The following ANKRD33B variants were observed in gnomAD, a reference collection of about 807,000 sequenced individuals.
The protein encoded by ANKRD33B is ankyrin repeat domain 33B.
In ANKRD33B, 6 loss-of-function variants were observed where a neutral mutation model predicts 21.5. The ratio of observed to expected loss-of-function variants is 0.28; its 90% confidence interval spans 0.15 to 0.55. The LOEUF (loss-of-function observed/expected upper bound fraction) is 0.55, where lower values mean the gene tolerates loss of function less well. Among genes scored for constraint, ANKRD33B ranks in the 20% least tolerant of loss-of-function variants. The pLI is 0.94. For missense variants in ANKRD33B, 698 were observed against 747.2 expected, an observed-to-expected ratio of 0.93 and a Z score of 0.77; for synonymous variants, 347 against 342.4, an observed-to-expected ratio of 1.01 and a Z score of -0.15.
chr5:10,599,192 A>T (rs990175429), intron 1 of ANKRD33B, among the ~76,000 whole-genome samples: 1 of 151,764 alleles, frequency 6.6e-6, no homozygotes, highest in African/African-American at 2.4e-5. Context: ...CTTTCACTCA[A>T]CATAATGGTT....
chr5:10,637,799 C>T (rs917354405), intron 2 of ANKRD33B, among the ~76,000 whole-genome samples: 3 of 152,104 alleles, frequency 2.0e-5, no homozygotes, highest in African/African-American at 7.2e-5. Context: ...CCGAAGGGGA[C>T]CTGCAAGAAC....
At chr5:10,582,784 C>T (rs1323124517) in intron 1 of ANKRD33B, among the ~76,000 whole-genome samples, 1 of 152,204 alleles carries the variant, frequency 6.6e-6, no homozygotes, top group Non-Finnish European at 1.5e-5. Context: ...GGCTCCTTTG[C>T]CGCATGGCTT....
At chr5:10,613,818 T>A (rs1029610504) in intron 1 of ANKRD33B, among the ~76,000 whole-genome samples, 2 of 151,368 alleles carry the variant, frequency 1.3e-5, no homozygotes, top group East Asian at 3.9e-4. Context: ...GAGAATTGCT[T>A]GAACCCAGGA....
chr5:10,591,112 T>C (rs1285066135), intron 1 of ANKRD33B, among the ~76,000 whole-genome samples: 1 of 152,124 alleles, frequency 6.6e-6, no homozygotes, highest in Non-Finnish European at 1.5e-5. Flanking sequence ...TATTTCTTTA[T>C]GGTTTCCGGC....
intron 3 of ANKRD33B, among the ~76,000 whole-genome samples, chr5:10,645,320 G>C (rs911636547): frequency 6.6e-6 from 1 of 152,202 alleles, no homozygotes; most frequent in Non-Finnish European, 1.5e-5. Context: ...GGGGGTGGGT[G>C]GGGGCTGGTG....
At chr5:10,567,784 TG>T (rs888945364) in intron 1 of ANKRD33B, among the ~76,000 whole-genome samples, 2 of 152,108 alleles carry the variant, frequency 1.3e-5, no homozygotes, top group African/African-American at 4.8e-5. Context: ...AAGACTGAGG[TG>T]GGAACCTCGT....
At chr5:10,584,359 A>G (rs1052618314) in intron 1 of ANKRD33B, among the ~76,000 whole-genome samples, 1 of 152,110 alleles carries the variant, frequency 6.6e-6, no homozygotes, top group African/African-American at 2.4e-5. Context: ...CAGTCTGGGC[A>G]ACATAGTAAG....
At chr5:10,615,909 G>C (rs1000325152) in intron 1 of ANKRD33B, among the ~76,000 whole-genome samples, 1 of 152,184 alleles carries the variant, frequency 6.6e-6, no homozygotes, top group African/African-American at 2.4e-5. Flanking sequence ...TGGTGGCAGC[G>C]AACTCTTAGT....
chr5:10,652,752 C>T lies in ANKRD33B; in HGVS notation c.*2639C>T. The stretch of plus-strand genomic sequence containing the variant: ...GAGTGGACGTGTTGCGGCCCTGCCC[C>T]CGATGTGTTCCAGCCTCATCCAGGT... On this transcript the variant is annotated 3_prime_UTR_variant, in exon 4 of 4. Transcript: ENST00000296657. This position sits in a 1 kb window ranked among gnomAD's most constrained non-coding sequence, Gnocchi z 4.1. 1 of 214,732 alleles carries T rather than the reference C, an allele frequency of 4.7e-6. No individual in the cohort carries two copies. Among genetic ancestry groups the T allele is most frequent in the South Asian group, 6.1e-5 (1 of 16,436 alleles). 13.3% of individuals were successfully genotyped at this position (214,732 alleles called of 1,614,324 possible). A position where few individuals can be genotyped will look rare whatever the true frequency, so the allele number is the denominator to read the frequency against.
At chr5:10,585,351 G>A (rs1735531307) in intron 1 of ANKRD33B, among the ~76,000 whole-genome samples, 1 of 152,216 alleles carries the variant, frequency 6.6e-6, no homozygotes, top group African/African-American at 2.4e-5. Context: ...GCTGGAACCT[G>A]AGGTCCCCTA....
chr5:10,647,843 C>T (rs1469582105), intron 3 of ANKRD33B, among the ~76,000 whole-genome samples: 6 of 152,278 alleles, frequency 3.9e-5, no homozygotes, highest in Middle Eastern at 3.4e-3. Context: ...GAGGCCCACC[C>T]GCATTATGAA....
intron 3 of ANKRD33B, among the ~76,000 whole-genome samples, chr5:10,648,653 G>C (rs1737243673): frequency 1.3e-5 from 2 of 152,228 alleles, no homozygotes; most frequent in Non-Finnish European, 2.9e-5. Flanking sequence ...CAGCTACTCG[G>C]GAGGCTGAGG....
Position 10,649,888 on chromosome 5 carries a change from T to C in ANKRD33B, c.1260T>C (p.Gly420=). The C allele has an allele frequency of 1.3e-6, 2 of 1,508,384 alleles. No homozygotes were observed. The highest frequency in any genetic ancestry group is 2.5e-5 in the South Asian group (2 of 81,482). 93.4% of individuals were successfully genotyped at this position (1,508,384 alleles called of 1,614,324 possible). The change falls in exon 4 of 4, where the codon GGT becomes GGC. Residue 420 remains glycine (G), a synonymous_variant. Transcript: ENST00000296657. ...QRLRRRSVRP[G]VVVPRVRVSK... ...TGCGGCGGAGAAGCGTGCGGCCCGGTGTGGTGGTGCCCCGGGTCCGAGTCA... is the reference window on the plus strand; with the variant it reads ...TGCGGCGGAGAAGCGTGCGGCCCGGCGTGGTGGTGCCCCGGGTCCGAGTCA...
At position 10,638,310 on chromosome 5, in the gene ANKRD33B, T is replaced by C. The variant is rs1251693499; in HGVS notation, c.637+142T>C. 2.6e-6 allele frequency: 3 copies of C among 1,157,078 alleles called. No individual in the cohort carries two copies. In the East Asian group the frequency reaches 7.7e-5, roughly 30 times the overall value. 71.7% of individuals were successfully genotyped at this position (1,157,078 alleles called of 1,614,324 possible). On this transcript the variant is annotated intron_variant, in intron 3 of 3. Transcript: ENST00000296657. ...AAATAATAGTTTCTTCACTGACATA[T>C]ACTTCTGTAACTATCTGAGGTTTTA...
intron 1 of ANKRD33B, among the ~76,000 whole-genome samples, chr5:10,598,331 A>G (rs543357211): frequency 1.1e-4 from 17 of 152,250 alleles, no homozygotes; most frequent in Non-Finnish European, 2.1e-4. Flanking sequence ...CAATGGCACA[A>G]TCTCGGCTCA....
At chr5:10,573,479 A>G (rs35902704) in intron 1 of ANKRD33B, among the ~76,000 whole-genome samples, 1 of 144,300 alleles carries the variant, frequency 6.9e-6, no homozygotes, top group Non-Finnish European at 1.6e-5. Flanking sequence ...AAAAAAAAAA[A>G]AAAAAAACCT....
chr5:10,649,018 TGGG>T (rs1300022427), intron 3 of ANKRD33B, among the ~76,000 whole-genome samples: 1 of 152,036 alleles, frequency 6.6e-6, no homozygotes, highest in South Asian at 2.1e-4. Context: ...GAGGCTGACT[TGGG>T]GGGATGGCTT....
intron 2 of ANKRD33B, among the ~76,000 whole-genome samples, chr5:10,627,681 G>A (rs764200623): frequency 2.0e-5 from 3 of 152,234 alleles, no homozygotes; most frequent in African/African-American, 4.8e-5. Context: ...ACACGATCAC[G>A]ATCTTAGTGT....
chr5:10,566,634 T>A (rs1311599679), intron 1 of ANKRD33B, among the ~76,000 whole-genome samples: 1 of 152,206 alleles, frequency 6.6e-6, no homozygotes, highest in Non-Finnish European at 1.5e-5. Context: ...AACATAAATG[T>A]TTGAAAACAG....
Sources: allele counts gnomAD v4.1 joint callset (sites outside exome capture counted in the v4.1 genomes callset), GRCh38; gene constraint gnomAD v4.1.1; non-coding constraint Gnocchi (gnomAD v3.1); transcripts MANE v1.5; gene names NCBI Gene and HGNC (gene_info 2026-07-23, HGNC 2026-07-21).